ANTXRL: variants seen among roughly 807,000 people sequenced by gnomAD.
The protein encoded by ANTXRL is anthrax toxin receptor-like.
Under a neutral mutation model 75.4 loss-of-function variants are expected in ANTXRL, and 63 were observed. The ratio of observed to expected loss-of-function variants is 0.84; its 90% confidence interval spans 0.68 to 1.03. The LOEUF (loss-of-function observed/expected upper bound fraction) is 1.03, where lower values mean the gene tolerates loss of function less well. ANTXRL is among the 50% of genes least tolerant of loss of function. The pLI, the probability that ANTXRL is intolerant of heterozygous loss-of-function variation, is 0.00. For missense variants in ANTXRL, 797 were observed against 789.4 expected, an observed-to-expected ratio of 1.01 and a Z score of -0.12; for synonymous variants, 335 against 291.3, an observed-to-expected ratio of 1.15 and a Z score of -1.53.
chr10:46,291,974 T>A, intron 1 of ANTXRL, 84 bp from the exon 2 acceptor site: 2 of 1,316,558 alleles, frequency 1.5e-6, no homozygotes, highest in Non-Finnish European at 2.1e-6. Context: ...GTTAAGAGCC[T>A]GCTGGGAGGC....
chr10:46,291,724 GC>G (rs758634450), intron 1 of ANTXRL, among the ~76,000 whole-genome samples: 3 of 152,100 alleles, frequency 2.0e-5, no homozygotes, highest in Non-Finnish European at 4.4e-5. Flanking sequence ...TTCACTGGGG[GC>G]TTTTCCAACC....
At chr10:46,307,325 C>A in intron 11 of ANTXRL, 77 bp from the exon 12 acceptor site, 2 of 1,052,498 alleles carry the variant, frequency 1.9e-6, no homozygotes, top group South Asian at 1.4e-5. Context: ...AATGACCTCT[C>A]ATTACCCATG....
At chr10:46,290,023 A>G (rs1187651360) in intron 1 of ANTXRL, among the ~76,000 whole-genome samples, 9 of 148,544 alleles carry the variant, frequency 6.1e-5, no homozygotes, top group Admixed American at 3.4e-4. Context: ...CTCTGTATGT[A>G]TATGTACCAC....
At chr10:46,329,567 C>A (rs140720812) in intron 16 of ANTXRL, 32 bp from the exon 17 acceptor site, 1 of 1,526,126 alleles carries the variant, frequency 6.6e-7, no homozygotes, top group South Asian at 1.2e-5. Flanking sequence ...AATGCCATCA[C>A]GGTGACCTTC....
At chr10:46,307,013 C>T in intron 11 of ANTXRL, 141 bp downstream of exon 11, 1 of 709,392 alleles carries the variant, frequency 1.4e-6, no homozygotes, top group Non-Finnish European at 2.3e-6. Flanking sequence ...CACCCTCCTC[C>T]CCACATCCCT....
At chr10:46,295,384 G>C (rs1393191978) in intron 3 of ANTXRL, among the ~76,000 whole-genome samples, 1 of 152,068 alleles carries the variant, frequency 6.6e-6, no homozygotes, top group Non-Finnish European at 1.5e-5. Flanking sequence ...GTTAGAGTTA[G>C]AGTTAGGAAT....
intron 16 of ANTXRL, among the ~76,000 whole-genome samples, chr10:46,318,276 A>G (rs958754113): frequency 2.6e-5 from 4 of 152,068 alleles, no homozygotes; most frequent in Non-Finnish European, 2.9e-5. Context: ...TTCTCTTTAC[A>G]ATAGCAATAA....
intron 7 of ANTXRL, 71 bp downstream of exon 7, chr10:46,297,545 CA>C: frequency 2.7e-6 from 4 of 1,479,044 alleles, no homozygotes; most frequent in Non-Finnish European, 3.6e-6. Flanking sequence ...CGTCCCGGGC[CA>C]CCCCAAGGAC....
chr10:46,308,514 C>G (rs181384530), intron 12 of ANTXRL: 2 of 445,302 alleles, frequency 4.5e-6, no homozygotes, highest in East Asian at 1.5e-4. Flanking sequence ...TGCCTTCCCA[C>G]GGATGCCGCC....
rs1381351715 is a variant in ANTXRL at position 46,313,237 on chromosome 10, G to A, written c.1331G>A (p.Gly444Asp). 6 of 1,535,834 alleles carry A rather than the reference G, an allele frequency of 3.9e-6. No individual in the cohort carries two copies. Among genetic ancestry groups the A allele is most frequent in the Non-Finnish European group, 4.4e-6 (5 of 1,146,696 alleles). ...CCTCATGGCCACGTTGCTTTTCAGG[G>A]CAATCTGGATACCTTTTGTGACCTC... ...QGVGGMRRIE[G>D]NLDTFCDLSH... Residue 444 changes from glycine to aspartate, a missense_variant and splice_region_variant, in exon 16 of 17, where the codon GGC (glycine) becomes GAC (aspartate). Physicochemically the swap from Gly to Asp is moderately conservative, Grantham distance 94 (BLOSUM62 -1). Coordinates refer to ENST00000620264, the MANE Select transcript of ANTXRL (RefSeq NM_001278688.3).
rs1277467399 is a variant in ANTXRL, at chr10:46,329,716, C to T, written c.1528C>T (p.Pro510Ser). The T allele has an allele frequency of 6.5e-7, 1 of 1,535,398 alleles. No individual in the cohort carries two copies. Among genetic ancestry groups the T allele is most frequent in the Non-Finnish European group, 8.7e-7 (1 of 1,146,772 alleles). Residue 510 changes from proline to serine, a missense_variant, in exon 17 of 17, where the codon CCA (proline) becomes TCA (serine). By Grantham distance (74) the Pro-to-Ser change is moderately conservative (BLOSUM62 -1). Around this residue, in one of 3 missense-constraint regions of ANTXRL, gnomAD observed 479 missense variants for 422.0 expected, o/e 1.14. Coordinates refer to ENST00000620264, the MANE Select transcript of ANTXRL (RefSeq NM_001278688.3). The stretch of plus-strand genomic sequence containing the variant: ...TTCCCTACCACAGGCTCCCTGCAGC[C>T]CAAGGATGTGCCTGAGACACAGCCG... ...CLSLPQAPCS[P>S]RMCLRHSREC... is the part of the protein sequence containing the mutation.
intron 9 of ANTXRL, among the ~76,000 whole-genome samples, chr10:46,302,197 G>A (rs1837791556): frequency 6.6e-6 from 1 of 152,120 alleles, no homozygotes; most frequent in Non-Finnish European, 1.5e-5. Context: ...GATGCTGTGG[G>A]TGTCCTGCCT....
At chr10:46,316,334 C>T (rs1838722790) in intron 16 of ANTXRL, among the ~76,000 whole-genome samples, 1 of 152,084 alleles carries the variant, frequency 6.6e-6, no homozygotes, top group African/African-American at 2.4e-5. Context: ...GTTGCAACTA[C>T]ATTCCACAAA....
chr10:46,307,315 A>G, intron 11 of ANTXRL, 87 bp from the exon 12 acceptor site: 1 of 958,594 alleles, frequency 1.0e-6, no homozygotes. Context: ...GTGTTTGGGG[A>G]ATGACCTCTC....
At chr10:46,290,522 T>C (rs1836942329) in intron 1 of ANTXRL, among the ~76,000 whole-genome samples, 1 of 152,210 alleles carries the variant, frequency 6.6e-6, no homozygotes, top group African/African-American at 2.4e-5. Flanking sequence ...TTTAGCTTTC[T>C]GAGGAAATGC....
chr10:46,305,699 C>T (rs1378985894), intron 10 of ANTXRL, among the ~76,000 whole-genome samples: 1 of 151,676 alleles, frequency 6.6e-6, no homozygotes, highest in African/African-American at 2.4e-5. Flanking sequence ...GAGAATGTTC[C>T]ATGTCTACAC....
At position 46,297,291 on chromosome 10, in the gene ANTXRL, A is replaced by G; in HGVS notation, c.548A>G (p.Glu183Gly). ...PSMIIAMTDG[E>G]LVAHAFQDTL... ...ATGATTATTGCTATGACTGATGGAG[A>G]ACTGGTGGCACATGCATTTCAGGAC... Residue 183 changes from glutamate to glycine, a missense_variant, in exon 6 of 17, where the codon GAA becomes GGA. Coordinates refer to ENST00000620264, the MANE Select transcript of ANTXRL (RefSeq NM_001278688.3). 6.5e-7 allele frequency: 1 copy of G among 1,536,456 alleles called. No homozygotes were observed.
At chr10:46,326,922 C>T (rs1221886266) in intron 16 of ANTXRL, among the ~76,000 whole-genome samples, 1 of 152,056 alleles carries the variant, frequency 6.6e-6, no homozygotes, top group Non-Finnish European at 1.5e-5. Context: ...CTGGGGCAGG[C>T]AGGGTGAGGG....
intron 13 of ANTXRL, among the ~76,000 whole-genome samples, chr10:46,309,744 C>T (rs1355943145): frequency 1.3e-5 from 2 of 152,146 alleles, no homozygotes; most frequent in Non-Finnish European, 2.9e-5. Context: ...GGGCCCCATA[C>T]TGGGCTGGGC....
Sources: gnomAD v4.1 joint callset for allele counts (sites outside exome capture counted in the v4.1 genomes callset) on GRCh38, gnomAD v4.1.1 for gene constraint, gnomAD v4.1.1 regional missense constraint, MANE v1.5 for transcripts, NCBI Gene and HGNC (gene_info 2026-07-23, HGNC 2026-07-21) for gene names.